MBIP: variants seen among roughly 807,000 people sequenced by gnomAD.
MBIP encodes MAP3K12-binding inhibitory protein 1.
Under a neutral mutation model 45.7 loss-of-function variants are expected in MBIP, and 32 were observed. That is an observed-to-expected ratio of 0.70 (90% CI 0.53 to 0.94). The LOEUF (loss-of-function observed/expected upper bound fraction) is 0.94. Among genes scored for constraint, MBIP ranks in the 40% least tolerant of loss-of-function variants. The pLI is 0.00. For missense variants in MBIP, 381 were observed against 405.5 expected (o/e 0.94, Z 0.52); for synonymous variants, 145 against 141.0 (o/e 1.03, Z -0.20).
chr14:36,308,263 C>A, intron 6 of MBIP, 74 bp from the exon 7 acceptor site: 2 of 753,024 alleles, frequency 2.7e-6, no homozygotes, highest in Non-Finnish European at 4.4e-6. Context: ...TCTTAAAATA[C>A]CATGCAAAGA....
At chr14:36,313,766 T>C (rs1409366183) in intron 4 of MBIP, 1 of 152,108 alleles carries the variant, frequency 6.6e-6, no homozygotes, top group Non-Finnish European at 1.5e-5. Flanking sequence ...TAATTAGCCA[T>C]GAGATATTAG....
At chr14:36,305,208 T>C (rs1397025260) in intron 7 of MBIP, 1 of 152,196 alleles carries the variant, frequency 6.6e-6, no homozygotes, top group African/African-American at 2.4e-5. Context: ...GTATTCCAAG[T>C]GAGGTTCCTA....
chr14:36,318,249 A>G (rs978218917), intron 1 of MBIP, among the ~76,000 whole-genome samples: 1 of 152,008 alleles, frequency 6.6e-6, no homozygotes, highest in Admixed American at 6.5e-5. Context: ...ATCCTCAACC[A>G]AAGCAAAGTA....
At chr14:36,310,183 GA>G (rs1307552035) in intron 6 of MBIP, among the ~76,000 whole-genome samples, 1 of 152,144 alleles carries the variant, frequency 6.6e-6, no homozygotes, top group African/African-American at 2.4e-5. Context: ...TCTGAGGGAA[GA>G]GATTAATTCT....
chr14:36,299,518 G>C (rs1320891533), intron 8 of MBIP, among the ~76,000 whole-genome samples: 3 of 151,494 alleles, frequency 2.0e-5, no homozygotes, highest in African/African-American at 7.3e-5. Context: ...GATGGGAGGA[G>C]GGAGAGGACT....
chr14:36,303,367 G>C (rs1474729641), intron 7 of MBIP, among the ~76,000 whole-genome samples: 1 of 152,172 alleles, frequency 6.6e-6, no homozygotes, highest in Non-Finnish European at 1.5e-5. Flanking sequence ...ACCGCTTAAT[G>C]ATGGGGATAT....
chr14:36,312,932 C>T (rs1880293727), intron 4 of MBIP, among the ~76,000 whole-genome samples: 2 of 150,152 alleles, frequency 1.3e-5, no homozygotes, highest in Non-Finnish European at 2.9e-5. Context: ...ATTTTTTCCC[C>T]CCTATGAAAT....
intron 6 of MBIP, among the ~76,000 whole-genome samples, chr14:36,309,904 G>A (rs946761219): frequency 2.0e-5 from 3 of 152,112 alleles, no homozygotes; most frequent in African/African-American, 7.2e-5. Flanking sequence ...CCAAGGAACT[G>A]GGATTATAGG....
At chr14:36,299,498 C>A (rs1443970126) in intron 8 of MBIP, among the ~76,000 whole-genome samples, 3 of 150,248 alleles carry the variant, frequency 2.0e-5, no homozygotes, top group Non-Finnish European at 4.4e-5. Flanking sequence ...GACACTGGAG[C>A]CTATTTGAAG....
chr14:36,314,957 C>T (rs1053868596), intron 2 of MBIP, 42 bp from the exon 3 acceptor site: 7 of 1,180,682 alleles, frequency 5.9e-6, no homozygotes, highest in Non-Finnish European at 8.8e-6. Context: ...TCAATCTGAC[C>T]AAAATTAATT....
chr14:36,308,346 C>T (rs534284563), intron 6 of MBIP, among the ~76,000 whole-genome samples, 157 bp from the exon 7 acceptor site: 1 of 152,098 alleles, frequency 6.6e-6, no homozygotes, highest in Non-Finnish European at 1.5e-5. Context: ...GTCCTTAGGT[C>T]GTATTTTTGT....
At chr14:36,308,741 A>G (rs1162551324) in intron 6 of MBIP, among the ~76,000 whole-genome samples, 1 of 152,160 alleles carries the variant, frequency 6.6e-6, no homozygotes, top group Non-Finnish European at 1.5e-5. Flanking sequence ...TTATATCAAG[A>G]ATCCTTCTAC....
intron 7 of MBIP, among the ~76,000 whole-genome samples, chr14:36,306,144 C>G (rs1879862291): frequency 6.6e-6 from 1 of 152,198 alleles, no homozygotes. Flanking sequence ...TCCTAACAAT[C>G]TGGCTACTTC....
intron 2 of MBIP, among the ~76,000 whole-genome samples, chr14:36,316,009 A>T (rs1437189931): frequency 6.6e-6 from 1 of 152,112 alleles, no homozygotes; most frequent in African/African-American, 2.4e-5. Flanking sequence ...AACTTACATC[A>T]ATTATAATTG....
At chr14:36,311,845 G>A (rs1327010946) in intron 5 of MBIP, 114 bp downstream of exon 5, 27 of 1,157,438 alleles carry the variant, frequency 2.3e-5, no homozygotes, top group East Asian at 7.4e-5. Flanking sequence ...TATGAAGGAC[G>A]GCAAGATGTT....
intron 1 of MBIP, 75 bp downstream of exon 1, chr14:36,320,385 C>T (rs1354102574): frequency 1.2e-6 from 2 of 1,604,060 alleles, no homozygotes; most frequent in Non-Finnish European, 1.7e-6. Flanking sequence ...TGCCCCCGGC[C>T]TCTGCTAGAG....
chr14:36,313,031 T>C (rs1880301566), intron 4 of MBIP, among the ~76,000 whole-genome samples: 1 of 152,128 alleles, frequency 6.6e-6, no homozygotes, highest in East Asian at 1.9e-4. Flanking sequence ...ACATTTGTAT[T>C]TTTTTCAGTT....
chr14:36,314,370 T>C, intron 4 of MBIP, 142 bp downstream of exon 4: 1 of 588,280 alleles, frequency 1.7e-6, no homozygotes, highest in Non-Finnish European at 2.9e-6. Context: ...AAGGAAACTC[T>C]ACTGTCTTAA....
chr14:36,300,940 C>T lies in MBIP; in HGVS notation c.889-117G>A, dbSNP rs1167354155. 4 of 575,926 alleles carry T rather than the reference C, an allele frequency of 6.9e-6. No individual in the cohort carries two copies. In the African/African-American group the frequency reaches 7.7e-5, roughly 11 times the overall value. The allele number at this position is 575,926 out of a possible 1,614,324, so 35.7% of individuals were successfully genotyped here. On this transcript the variant is annotated intron_variant, in intron 7 of 8. Transcript: ENST00000416007. Reference sequence around the variant, plus strand: ...GGAACCCTGACAGAAAAAAAACCAACCAATTTACCAATACCAATTACTGTC... The same window carrying T: ...GGAACCCTGACAGAAAAAAAACCAATCAATTTACCAATACCAATTACTGTC...
Sources: gnomAD v4.1 joint callset for allele counts (sites outside exome capture counted in the v4.1 genomes callset) on GRCh38, gnomAD v4.1.1 for gene constraint, MANE v1.5 for transcripts, NCBI Gene and HGNC (gene_info 2026-07-23, HGNC 2026-07-21) for gene names.